The following TMEM74 variants were observed in gnomAD, a reference collection of about 807,000 sequenced individuals.
TMEM74 encodes the protein transmembrane protein 74.
In TMEM74, 13 loss-of-function variants were observed where a neutral mutation model predicts 18.1. That is an observed-to-expected ratio of 0.72 (90% CI 0.47 to 1.14). The LOEUF is 1.14. TMEM74 is among the 50% of genes most tolerant of loss of function. The pLI is 0.00. For missense variants in TMEM74, 372 were observed against 375.9 expected (o/e 0.99, Z 0.09); for synonymous variants, 159 against 146.6 (o/e 1.08, Z -0.61).
At chr8:108,717,557 CCAGAGAGAA>C (rs1417121902) in intron 1 of TMEM74, among the ~76,000 whole-genome samples, 2 of 151,910 alleles carry the variant, frequency 1.3e-5, no homozygotes, top group Non-Finnish European at 2.9e-5. Context: ...CATAAATGCT[CCAGAGAGAA>C]ACAAAGGGTG....
chr8:108,762,508 C>G (rs1814056565), intron 1 of TMEM74, among the ~76,000 whole-genome samples: 1 of 152,082 alleles, frequency 6.6e-6, no homozygotes, highest in Non-Finnish European at 1.5e-5. Flanking sequence ...ATTTTGAACT[C>G]AGCCCCATGG....
chr8:108,661,458 T>C (rs759115109), intron 1 of TMEM74, among the ~76,000 whole-genome samples: 17 of 148,228 alleles, frequency 1.1e-4, no homozygotes, highest in South Asian at 2.2e-4. Context: ...AATGGCACAT[T>C]GGTCTTTTTG....
intron 2 of TMEM74, among the ~76,000 whole-genome samples, chr8:108,650,532 A>G (rs1010528429): frequency 8.6e-5 from 13 of 151,998 alleles, no homozygotes; most frequent in Non-Finnish European, 1.8e-4. Flanking sequence ...TATTCTCCTC[A>G]GTTGTCCATC....
chr8:108,653,760 T>G (rs1270822064), intron 2 of TMEM74, among the ~76,000 whole-genome samples: 1 of 152,180 alleles, frequency 6.6e-6, no homozygotes, highest in Non-Finnish European at 1.5e-5. Flanking sequence ...TTTAAAGAAG[T>G]ATAACAATAG....
chr8:108,754,877 C>T (rs1285002021), intron 1 of TMEM74, among the ~76,000 whole-genome samples: 1 of 151,808 alleles, frequency 6.6e-6, no homozygotes, highest in Admixed American at 6.6e-5. Flanking sequence ...ATGGATGTCC[C>T]AGCTTAGGAG....
intron 1 of TMEM74, among the ~76,000 whole-genome samples, chr8:108,715,371 G>A (rs975901780): frequency 6.6e-6 from 1 of 151,798 alleles, no homozygotes; most frequent in African/African-American, 2.4e-5. Context: ...AGCATTACAC[G>A]ATATACTCAG....
intron 1 of TMEM74, among the ~76,000 whole-genome samples, chr8:108,684,221 C>G (rs1813145775): frequency 1.3e-5 from 2 of 152,076 alleles, no homozygotes; most frequent in African/African-American, 4.8e-5. Context: ...TTCCCACCAA[C>G]AGTGTAGAGG....
At chr8:108,738,731 C>T (rs1001902063) in intron 1 of TMEM74, among the ~76,000 whole-genome samples, 3 of 152,038 alleles carry the variant, frequency 2.0e-5, no homozygotes, top group Non-Finnish European at 4.4e-5. Context: ...AAAATAAAAT[C>T]AAAATAATAG....
chr8:108,701,255 A>T (rs531629478), intron 1 of TMEM74, among the ~76,000 whole-genome samples: 1 of 151,998 alleles, frequency 6.6e-6, no homozygotes, highest in Non-Finnish European at 1.5e-5. Context: ...CTCCAACTTG[A>T]TAAAGAACAT....
At chr8:108,639,054 C>T (rs1812634811) in intron 2 of TMEM74, among the ~76,000 whole-genome samples, 1 of 152,116 alleles carries the variant, frequency 6.6e-6, no homozygotes, top group Non-Finnish European at 1.5e-5. Context: ...GCCAAGATAT[C>T]CCAAGCAAGG....
chr8:108,696,507 C>T (rs570871848), intron 1 of TMEM74, among the ~76,000 whole-genome samples: 9 of 152,230 alleles, frequency 5.9e-5, no homozygotes, highest in South Asian at 4.2e-4. Context: ...GTGCAAATAG[C>T]GGTAGCAAAT....
At chr8:108,682,299 C>T (rs1813123133) in intron 1 of TMEM74, among the ~76,000 whole-genome samples, 2 of 152,108 alleles carry the variant, frequency 1.3e-5, no homozygotes, top group South Asian at 4.1e-4. Context: ...ATGCTGCCTT[C>T]ACTTTTTACC....
chr8:108,752,369 G>A (rs1813912560), intron 1 of TMEM74, among the ~76,000 whole-genome samples: 1 of 152,176 alleles, frequency 6.6e-6, no homozygotes, highest in South Asian at 2.1e-4. Context: ...AGGCTGTGAC[G>A]AGTGTCTAGC....
At chr8:108,710,940 A>T (rs1306060238) in intron 1 of TMEM74, among the ~76,000 whole-genome samples, 1 of 152,198 alleles carries the variant, frequency 6.6e-6, no homozygotes, top group African/African-American at 2.4e-5. Flanking sequence ...CTGTGATAAC[A>T]AGCGGAGTTA....
At chr8:108,628,980 T>C (rs928280581) in intron 2 of TMEM74, among the ~76,000 whole-genome samples, 1 of 152,070 alleles carries the variant, frequency 6.6e-6, no homozygotes, top group Non-Finnish European at 1.5e-5. Flanking sequence ...TTTAATGGTG[T>C]TGTTTGTTTT....
intron 1 of TMEM74, among the ~76,000 whole-genome samples, chr8:108,656,115 C>G (rs534591451): frequency 1.3e-5 from 2 of 152,186 alleles, no homozygotes; most frequent in African/African-American, 4.8e-5. Flanking sequence ...TACTTTCGTC[C>G]CCAGGAGAGG....
At chr8:108,633,260 T>C (rs1008023418) in intron 2 of TMEM74, among the ~76,000 whole-genome samples, 1 of 152,014 alleles carries the variant, frequency 6.6e-6, no homozygotes, top group African/African-American at 2.4e-5. Context: ...TTATGAGCCA[T>C]CATTACTCAA....
At chr8:108,785,886 T>C (rs1208069020) in intron 1 of TMEM74, among the ~76,000 whole-genome samples, 1 of 152,184 alleles carries the variant, frequency 6.6e-6, no homozygotes, top group Non-Finnish European at 1.5e-5. Context: ...AAGCATGTTC[T>C]GGACCCCAAA....
chr8:108,769,649 CAG>C lies in TMEM74; in HGVS notation n.119+17825_119+17826del, dbSNP rs576176058. On this transcript the variant is annotated intron_variant and non_coding_transcript_variant, in intron 1 of 3. Transcript: ENST00000518838. The stretch of plus-strand genomic sequence containing the variant: ...TAAATAAAGGGACCGTGTACTTTGG[CAG>C]AGACATTTGTCATTCCACTTTTTCC... Among the ~76,000 whole-genome samples, 172 of 152,202 alleles carry C rather than the reference CAG, an allele frequency of 1.1e-3. 1 individual carries two copies. The highest frequency in any genetic ancestry group is 3.8e-3 in the African/African-American group (157 of 41,548).
Sources: allele counts gnomAD v4.1 joint callset (sites outside exome capture counted in the v4.1 genomes callset), GRCh38; gene constraint gnomAD v4.1.1; transcripts MANE v1.5; gene names NCBI Gene and HGNC (gene_info 2026-07-23, HGNC 2026-07-21).